ZNF320: variants seen among roughly 807,000 people sequenced by gnomAD.
ZNF320 encodes zinc finger protein 320.
In ZNF320, 2 loss-of-function variants were observed where a neutral mutation model predicts 6.8. The ratio of observed to expected loss-of-function variants is 0.29; its 90% CI spans 0.12 to 0.93. ZNF320 has a LOEUF of 0.93. ZNF320 is among the 40% of genes least tolerant of loss of function. ZNF320 has a pLI of 0.55. For missense variants in ZNF320, 472 were observed against 611.0 expected, an observed-to-expected ratio of 0.77 and a Z score of 2.40; for synonymous variants, 208 against 203.2, an observed-to-expected ratio of 1.02 and a Z score of -0.20.
At chr19:52,898,491 G>A (rs1174186466), upstream of ZNF320, among the ~76,000 whole-genome samples, 1 of 152,174 alleles carries the variant, frequency 6.6e-6, no homozygotes, top group Admixed American at 6.5e-5. Context: ...GAAAAAAAGG[G>A]ATTTTTAAAA....
chr19:52,898,357 C>T (rs1012429652), upstream of ZNF320, among the ~76,000 whole-genome samples: 2 of 152,024 alleles, frequency 1.3e-5, no homozygotes, highest in African/African-American at 4.8e-5. Context: ...GGCGAGGTGG[C>T]GAGTCTGGGG....
downstream of ZNF320, among the ~76,000 whole-genome samples, chr19:52,860,428 G>C (rs1010337091): frequency 2.0e-5 from 3 of 151,928 alleles, no homozygotes; most frequent in African/African-American, 7.2e-5. Context: ...GTGAAAGCCA[G>C]TCTTTACTGA....
chr19:52,881,310 A>T lies in ZNF320; in HGVS notation c.816T>A (p.Pro272=), dbSNP rs778925232. 1.2e-6 allele frequency: 2 copies of T among 1,613,696 alleles called. No individual in the cohort carries two copies. The highest frequency in any genetic ancestry group is 3.3e-5 in the Admixed American group (2 of 59,960). ...TCTTGCCACACTCATTACATTTGTA[A>T]GGTTTCTCTCCAGTATGCAGTCTAT... ...YHHRLHTGEK[P]YKCNECGKTF... The change falls in exon 6 of 6, where the codon CCT becomes CCA. Residue 272 remains proline (P), a synonymous_variant. Coordinates refer to ENST00000682928, the MANE Select transcript of ZNF320 (RefSeq NM_001351774.2).
intron 5 of ZNF320, among the ~76,000 whole-genome samples, chr19:52,869,372 T>C (rs1170934027): frequency 1.3e-5 from 2 of 152,020 alleles, no homozygotes; most frequent in African/African-American, 4.8e-5. Flanking sequence ...CAGAATTTCA[T>C]ACACACAGAA....
upstream of ZNF320, among the ~76,000 whole-genome samples, chr19:52,902,214 C>T: frequency 6.6e-6 from 1 of 152,238 alleles, no homozygotes; most frequent in African/African-American, 2.4e-5. Flanking sequence ...AATCTCCTCT[C>T]TGCCGTGAGA....
chr19:52,882,966 A>T (rs981898457), intron 5 of ZNF320, among the ~76,000 whole-genome samples: 1 of 152,062 alleles, frequency 6.6e-6, no homozygotes, highest in Non-Finnish European at 1.5e-5. Flanking sequence ...TGTTAATAGC[A>T]TATTTTTCTG....
At chr19:52,861,889 C>T (rs1376324986) in exon 6 of ZNF320, 8 of 372,074 alleles carry the variant, frequency 2.2e-5, no homozygotes, top group Admixed American at 7.4e-5. Flanking sequence ...GACTTGTGAA[C>T]GTGAAGTAAA....
downstream of ZNF320, among the ~76,000 whole-genome samples, chr19:52,860,413 A>G (rs1405339186): frequency 6.6e-6 from 1 of 152,054 alleles, no homozygotes; most frequent in Admixed American, 6.6e-5. Flanking sequence ...AGTCTGGACA[A>G]CATGGTGAAA....
chr19:52,871,243 AG>A (rs2147784158), downstream of ZNF320, among the ~76,000 whole-genome samples: 1 of 152,322 alleles, frequency 6.6e-6, no homozygotes, highest in East Asian at 1.9e-4. Flanking sequence ...GATTGAGCCC[AG>A]GAGTTTCAGG....
the ZNF320 span, among the ~76,000 whole-genome samples, chr19:52,903,248 T>A: frequency 1.3e-5 from 2 of 152,254 alleles, no homozygotes; most frequent in Non-Finnish European, 2.9e-5. Flanking sequence ...TTTAGCAAAC[T>A]TCACTTTTGT....
intron 5 of ZNF320, among the ~76,000 whole-genome samples, chr19:52,869,625 C>T (rs1171286930): frequency 6.6e-6 from 1 of 151,284 alleles, no homozygotes; most frequent in African/African-American, 2.4e-5. Context: ...CAACCCCTGC[C>T]ACCCAGGTTC....
At chr19:52,871,130 G>T (rs1332127910) in intron 5 of ZNF320, among the ~76,000 whole-genome samples, 1 of 152,168 alleles carries the variant, frequency 6.6e-6, no homozygotes, top group Non-Finnish European at 1.5e-5. Context: ...TTGGGCAATA[G>T]AGCGAGACTC....
At position 52,889,237 on chromosome 19, in the gene ZNF320, T is replaced by C. The variant is rs186655846; in HGVS notation, c.16-984A>G. On this transcript the variant is annotated intron_variant, in intron 4 of 5. Coordinates refer to ENST00000682928, the MANE Select transcript of ZNF320 (RefSeq NM_001351774.2). ...TTTGTTTAACTGAAGAGGAATCTCA[T>C]CTTGCTGGAAAAGGATACTTTGGCA... Among the ~76,000 whole-genome samples the C allele has an allele frequency of 3.6e-4, 54 of 152,000 alleles. No individual in the cohort carries two copies. In the East Asian group the frequency reaches 8.3e-3, roughly 23 times the overall value.
chr19:52,865,131 G>C (rs1226865866), intron 5 of ZNF320, among the ~76,000 whole-genome samples: 1 of 152,012 alleles, frequency 6.6e-6, no homozygotes, highest in Admixed American at 6.6e-5. Context: ...AGACCAGCCT[G>C]GTCAAAGTGA....
At chr19:52,868,463 G>A (rs1031050203) in intron 5 of ZNF320, among the ~76,000 whole-genome samples, 11 of 150,836 alleles carry the variant, frequency 7.3e-5, no homozygotes, top group Admixed American at 2.6e-4. Flanking sequence ...CTCGGATTGC[G>A]CCACTGTAGT....
chr19:52,887,215 A>G (rs575819785), intron 5 of ZNF320, among the ~76,000 whole-genome samples: 51 of 152,168 alleles, frequency 3.4e-4, no homozygotes, highest in African/African-American at 1.2e-3. Flanking sequence ...ACCTGCGTTT[A>G]CACCTGTAAT....
downstream of ZNF320, among the ~76,000 whole-genome samples, chr19:52,859,740 C>CA (rs2147755432): frequency 6.6e-6 from 1 of 152,170 alleles, no homozygotes; most frequent in South Asian, 2.1e-4. Flanking sequence ...TAAGAAGGGA[C>CA]AATGATGCCA....
Position 52,881,195 on chromosome 19 carries a change from TA to T in ZNF320, c.930del (p.Phe310LeufsTer171). ...TGTCCTGCAAGAGTTGCTCGTTGCT[TA>T]AAAACCTTGCCACATTCATTACACT... The part of the protein sequence containing the change: ...PYKCNECGKV[F>X]KQRATLAGHR... On this transcript the variant is annotated frameshift_variant, in exon 6 of 6. Transcript: ENST00000682928. LOFTEE classifies it low-confidence loss of function (END_TRUNC). The T allele has an allele frequency of 6.2e-7, 1 of 1,614,192 alleles. No homozygotes were observed. The highest frequency in any genetic ancestry group is 8.5e-7 in the Non-Finnish European group (1 of 1,180,026).
chr19:52,890,116 G>T, intron 4 of ZNF320, 125 bp downstream of exon 4: 1 of 1,418,558 alleles, frequency 7.0e-7, no homozygotes, highest in Non-Finnish European at 9.8e-7. Flanking sequence ...CTGAGGGAAG[G>T]CATGGGTGAT....
Sources: allele counts gnomAD v4.1 joint callset (sites outside exome capture counted in the v4.1 genomes callset), GRCh38; gene constraint gnomAD v4.1.1; transcripts MANE v1.5; gene names NCBI Gene and HGNC (gene_info 2026-07-23, HGNC 2026-07-21).